The following CSMD1 variants were observed in gnomAD, a reference collection of about 807,000 sequenced individuals.
CSMD1 encodes the protein CUB and sushi domain-containing protein 1.
A neutral mutation model predicts 417.5 loss-of-function variants in CSMD1; 213 were observed. The ratio of observed to expected loss-of-function variants is 0.51; its 90% CI spans 0.46 to 0.57. The LOEUF is 0.57. Ranked by LOEUF, CSMD1 falls within the 20% of genes least tolerant of loss-of-function variation. The pLI, the probability that CSMD1 is intolerant of heterozygous loss-of-function variation, is 0.00. For missense variants in CSMD1, 6,923 were observed against 4,529.7 expected, an observed-to-expected ratio of 1.53 and a Z score of -15.17; for synonymous variants, 2,862 against 1,736.8, an observed-to-expected ratio of 1.65 and a Z score of -16.11.
chr8:2,988,742 G>A (rs955527819), intron 54 of CSMD1, among the ~76,000 whole-genome samples: 1 of 152,096 alleles, frequency 6.6e-6, no homozygotes, highest in Non-Finnish European at 1.5e-5. Flanking sequence ...GTGTTACTGG[G>A]TTGAGTATAA....
At chr8:3,594,433 A>G (rs1338129974) in intron 8 of CSMD1, among the ~76,000 whole-genome samples, 2 of 152,168 alleles carry the variant, frequency 1.3e-5, no homozygotes, top group South Asian at 2.1e-4. Flanking sequence ...CAAAATGAGT[A>G]TATGTGTTAT....
intron 1 of CSMD1, among the ~76,000 whole-genome samples, chr8:4,897,619 T>G (rs1458641189): frequency 6.6e-6 from 1 of 152,130 alleles, no homozygotes; most frequent in East Asian, 1.9e-4. Flanking sequence ...AACTCATTAT[T>G]TGTCATTACG....
At chr8:4,303,168 G>A (rs35265645) in intron 3 of CSMD1, among the ~76,000 whole-genome samples, 96,333 of 151,884 alleles carry the variant, frequency 0.63, 31,641 homozygotes, top group East Asian at 0.85. Flanking sequence ...ACATATAATA[G>A]GGCATGAATA....
chr8:4,121,001 A>G lies in CSMD1; in HGVS notation c.416-88902T>C, dbSNP rs12056753. 2.7e-4 allele frequency among the ~76,000 whole-genome samples: 41 copies of G among 152,328 alleles called. 1 individual carries two copies. The East Asian group carries it at 7.7e-3, about 29-fold the overall frequency. On this transcript the variant is annotated intron_variant, in intron 3 of 69. Coordinates refer to ENST00000635120, the MANE Select transcript of CSMD1 (RefSeq NM_033225.6). ...CTATACATGAAACATGAACCTTTTG[A>G]TGGCTTGGTTTATTAAACATACTAG... is the stretch of plus-strand genomic sequence containing the variant.
At chr8:3,636,280 G>A (rs998664782) in intron 7 of CSMD1, among the ~76,000 whole-genome samples, 4 of 152,164 alleles carry the variant, frequency 2.6e-5, no homozygotes, top group Non-Finnish European at 5.9e-5. Flanking sequence ...AATCCCTCCT[G>A]AAGGCCCTGC....
At chr8:3,441,060 C>T (rs562180655) in intron 12 of CSMD1, among the ~76,000 whole-genome samples, 3 of 152,106 alleles carry the variant, frequency 2.0e-5, no homozygotes, top group Non-Finnish European at 2.9e-5. Context: ...GTATGAAACA[C>T]ATAGAGGAGA....
chr8:3,302,306 C>T (rs115572020), intron 25 of CSMD1, among the ~76,000 whole-genome samples: 1,946 of 152,108 alleles, frequency 0.013, 41 homozygotes, highest in African/African-American at 0.044. Flanking sequence ...TTTCTGGAGT[C>T]ACTTCTTCTG....
chr8:3,722,831 A>G (rs1043898424), intron 6 of CSMD1, among the ~76,000 whole-genome samples: 9 of 152,208 alleles, frequency 5.9e-5, no homozygotes, highest in Admixed American at 3.3e-4. Flanking sequence ...GAGGAAAAAT[A>G]TGTTTGAGAT....
intron 5 of CSMD1, among the ~76,000 whole-genome samples, chr8:3,839,014 A>G (rs1802918013): frequency 7.8e-6 from 1 of 127,406 alleles, no homozygotes; most frequent in Non-Finnish European, 1.6e-5. Context: ...TTATATATTT[A>G]TATGTTGATA....
intron 4 of CSMD1, among the ~76,000 whole-genome samples, chr8:4,024,495 G>C (rs911583943): frequency 5.9e-5 from 9 of 152,150 alleles, no homozygotes; most frequent in Admixed American, 5.2e-4. Context: ...CCAAACTATA[G>C]CTGACTTGTT....
intron 7 of CSMD1, among the ~76,000 whole-genome samples, chr8:3,687,838 G>C (rs114074598): frequency 2.0e-5 from 3 of 152,160 alleles, no homozygotes; most frequent in Non-Finnish European, 4.4e-5. Context: ...TGCTCTCTCA[G>C]TCCACTCTTG....
intron 3 of CSMD1, among the ~76,000 whole-genome samples, chr8:4,179,943 G>T (rs998172689): frequency 2.0e-5 from 3 of 152,132 alleles, no homozygotes; most frequent in South Asian, 2.1e-4. Flanking sequence ...TGCTGGAGAG[G>T]ATGTGGAGAA....
intron 7 of CSMD1, among the ~76,000 whole-genome samples, chr8:3,620,027 G>A (rs1802345743): frequency 1.3e-5 from 2 of 152,114 alleles, no homozygotes; most frequent in Non-Finnish European, 2.9e-5. Flanking sequence ...GCTTGAACCT[G>A]GGAGGCAGAT....
intron 41 of CSMD1, chr8:3,127,594 T>A (rs2129024269): frequency 6.6e-6 from 1 of 152,312 alleles, no homozygotes; most frequent in South Asian, 2.1e-4. Context: ...GTTTTATGAT[T>A]GTGATGAAGA....
At chr8:4,400,606 A>T (rs1563134365) in intron 3 of CSMD1, among the ~76,000 whole-genome samples, 1 of 152,236 alleles carries the variant, frequency 6.6e-6, no homozygotes, top group Non-Finnish European at 1.5e-5. Flanking sequence ...TTGAAATAGG[A>T]TGGCTGGGAT....
At chr8:4,756,179 T>C (rs1297032567) in intron 1 of CSMD1, among the ~76,000 whole-genome samples, 1 of 152,238 alleles carries the variant, frequency 6.6e-6, no homozygotes, top group African/African-American at 2.4e-5. Context: ...CACACACATT[T>C]CTGGAAAACT....
At chr8:4,829,915 C>T (rs1219496153) in intron 1 of CSMD1, among the ~76,000 whole-genome samples, 1 of 151,982 alleles carries the variant, frequency 6.6e-6, no homozygotes, top group Non-Finnish European at 1.5e-5. Flanking sequence ...CCACCGTTGC[C>T]CTGTTTAGAG....
intron 33 of CSMD1, among the ~76,000 whole-genome samples, chr8:3,194,546 G>C (rs138585876): frequency 0.022 from 3,272 of 150,992 alleles, 111 homozygotes; most frequent in African/African-American, 0.075. Context: ...CAATCTCCAC[G>C]TCCCAGGTTC....
At chr8:4,149,232 G>C (rs780802330) in intron 3 of CSMD1, among the ~76,000 whole-genome samples, 1 of 152,088 alleles carries the variant, frequency 6.6e-6, no homozygotes, top group Non-Finnish European at 1.5e-5. Flanking sequence ...CCAAACTGCT[G>C]AGATAACAGG....
Sources: gnomAD v4.1 joint callset for allele counts (sites outside exome capture counted in the v4.1 genomes callset) on GRCh38, gnomAD v4.1.1 for gene constraint, MANE v1.5 for transcripts, NCBI Gene and HGNC (gene_info 2026-07-23, HGNC 2026-07-21) for gene names.